Variants in SLCO1B1 observed in about 807,000 individuals in gnomAD.
SLCO1B1 encodes solute carrier organic anion transporter family member 1B1, also known as OATP-2.
In SLCO1B1, 81 loss-of-function variants were observed where a neutral mutation model predicts 70.1. That is an observed-to-expected ratio of 1.16 (90% confidence interval 0.97 to 1.39). The LOEUF (loss-of-function observed/expected upper bound fraction) is 1.39. Ranked by LOEUF, SLCO1B1 falls within the 40% of genes most tolerant of loss-of-function variation. The pLI, the probability that SLCO1B1 is intolerant of heterozygous loss-of-function variation, is 0.00. For missense variants in SLCO1B1, 895 were observed against 799.6 expected (o/e 1.12, Z -1.44); for synonymous variants, 283 against 271.5 (o/e 1.04, Z -0.42).
At chr12:21,166,002 C>T (rs1437799380) in intron 2 of SLCO1B1, among the ~76,000 whole-genome samples, 1 of 147,896 alleles carries the variant, frequency 6.8e-6, no homozygotes, top group African/African-American at 2.5e-5. Flanking sequence ...GTCTGAGAAG[C>T]AGAAAGAAAA....
At chr12:21,233,216 C>T (rs1190144083) in intron 14 of SLCO1B1, among the ~76,000 whole-genome samples, 5 of 132,716 alleles carry the variant, frequency 3.8e-5, no homozygotes, top group South Asian at 2.2e-4. Flanking sequence ...ACAGTCACCC[C>T]GACTCAGGCC....
In SLCO1B1 at chr12:21,224,733, G is replaced by C. The variant is rs1294041828; in HGVS notation, c.1759G>C (p.Ala587Pro). The C allele has an allele frequency of 8.7e-6, 14 of 1,604,560 alleles. No homozygotes were observed. Among genetic ancestry groups the C allele is most frequent in the Non-Finnish European group, 1.2e-5 (14 of 1,172,518 alleles). Residue 587 changes from alanine to proline, a missense_variant, in exon 14 of 15, where the codon GCT becomes CCT. Coordinates refer to ENST00000256958, the MANE Select transcript of SLCO1B1 (RefSeq NM_006446.5). ...TTCTCCTATTACAGGAGGAATTCTA[G>C]CTCCAATATATTTTGGGGCTCTGAT... ...MVIRALGGIL[A>P]PIYFGALIDT...
intron 8 of SLCO1B1, among the ~76,000 whole-genome samples, chr12:21,198,672 A>G (rs1328484812): frequency 6.6e-6 from 1 of 152,176 alleles, no homozygotes; most frequent in Non-Finnish European, 1.5e-5. Context: ...AATTTATTCC[A>G]TATGCTCTTG....
At chr12:21,167,242 A>T (rs1235713638) in intron 2 of SLCO1B1, among the ~76,000 whole-genome samples, 6 of 152,232 alleles carry the variant, frequency 3.9e-5, no homozygotes, top group Non-Finnish European at 5.9e-5. Flanking sequence ...ACATTCAAGG[A>T]TATGACATTT....
intron 2 of SLCO1B1, among the ~76,000 whole-genome samples, chr12:21,163,482 T>C (rs1940647082): frequency 6.6e-6 from 1 of 152,206 alleles, no homozygotes; most frequent in Non-Finnish European, 1.5e-5. Context: ...TAATTAACTT[T>C]GTTGGCTTGA....
At chr12:21,229,387 C>T (rs994384029) in intron 14 of SLCO1B1, among the ~76,000 whole-genome samples, 13 of 152,280 alleles carry the variant, frequency 8.5e-5, no homozygotes, top group Non-Finnish European at 2.9e-5. Flanking sequence ...CTCTGCTCTG[C>T]CTATTCATTC....
intron 4 of SLCO1B1, among the ~76,000 whole-genome samples, chr12:21,175,659 G>C (rs895106260): frequency 6.6e-6 from 1 of 152,022 alleles, no homozygotes; most frequent in Non-Finnish European, 1.5e-5. Context: ...TTTCTTCTTA[G>C]TGGTACTGCT....
At chr12:21,156,974 T>C (rs1200680925) in intron 2 of SLCO1B1, among the ~76,000 whole-genome samples, 1 of 152,168 alleles carries the variant, frequency 6.6e-6, no homozygotes, top group African/African-American at 2.4e-5. Context: ...CTTCCAAATA[T>C]GATACATGTA....
chr12:21,161,236 C>T (rs746264406), intron 2 of SLCO1B1, among the ~76,000 whole-genome samples: 2 of 152,028 alleles, frequency 1.3e-5, no homozygotes, highest in Non-Finnish European at 1.5e-5. Context: ...ACATTATTCA[C>T]AATAGCAAAG....
At position 21,140,031 on chromosome 12, in the gene SLCO1B1, A is replaced by C. The variant is rs1484262921; in HGVS notation, c.-61-1483A>C. Among the ~76,000 whole-genome samples, 4 of 152,262 alleles carry C rather than the reference A, an allele frequency of 2.6e-5. 1 individual carries two copies. Among genetic ancestry groups the C allele is most frequent in the African/African-American group, 2.4e-5 (1 of 41,568 alleles). ...TGTTAATGAATCAATAGTATGTATTAAATAAAGTGTCTTTAAACAAAACAT... is the reference window on the plus strand; with the variant it reads ...TGTTAATGAATCAATAGTATGTATTCAATAAAGTGTCTTTAAACAAAACAT... On this transcript the variant is annotated intron_variant, in intron 1 of 14. Transcript: ENST00000256958.
At chr12:21,229,567 TA>T (rs1270900722) in intron 14 of SLCO1B1, among the ~76,000 whole-genome samples, 1 of 152,236 alleles carries the variant, frequency 6.6e-6, no homozygotes, top group Non-Finnish European at 1.5e-5. Flanking sequence ...CATTTCTTTT[TA>T]TTGCTGAATA....
chr12:21,210,617 G>A (rs1209985086), intron 11 of SLCO1B1, among the ~76,000 whole-genome samples: 2 of 149,370 alleles, frequency 1.3e-5, no homozygotes, highest in African/African-American at 5.0e-5. Flanking sequence ...GTAGCTTGAT[G>A]GGGATGACAT....
At chr12:21,165,028 T>C (rs1036961048) in intron 2 of SLCO1B1, among the ~76,000 whole-genome samples, 6 of 152,158 alleles carry the variant, frequency 3.9e-5, no homozygotes, top group African/African-American at 7.2e-5. Flanking sequence ...CTAACTGCTA[T>C]ATTACAGTTG....
At chr12:21,140,651 C>A (rs1261209957) in intron 1 of SLCO1B1, among the ~76,000 whole-genome samples, 3 of 151,716 alleles carry the variant, frequency 2.0e-5, no homozygotes, top group Non-Finnish European at 2.9e-5. Flanking sequence ...CAACTTAATA[C>A]CCTGCTACCA....
At chr12:21,159,673 A>G (rs1029189984) in intron 2 of SLCO1B1, among the ~76,000 whole-genome samples, 2 of 152,290 alleles carry the variant, frequency 1.3e-5, no homozygotes, top group Admixed American at 6.5e-5. Context: ...ACAATGGTCT[A>G]TGGTCAAAAA....
intron 2 of SLCO1B1, among the ~76,000 whole-genome samples, chr12:21,169,220 G>A (rs938452334): frequency 2.0e-5 from 3 of 152,062 alleles, no homozygotes; most frequent in Admixed American, 6.5e-5. Context: ...TCTTGGTATA[G>A]AGTTTTTTAG....
intron 2 of SLCO1B1, among the ~76,000 whole-genome samples, chr12:21,165,436 A>G (rs1940672425): frequency 6.6e-6 from 1 of 152,168 alleles, no homozygotes; most frequent in Non-Finnish European, 1.5e-5. Flanking sequence ...ACATATGCTC[A>G]TAAAACGTCT....
intron 2 of SLCO1B1, among the ~76,000 whole-genome samples, chr12:21,155,014 A>G (rs1167973876): frequency 6.6e-6 from 1 of 151,938 alleles, no homozygotes; most frequent in Non-Finnish European, 1.5e-5. Flanking sequence ...TTTGATATTC[A>G]TAAATTTTAA....
chr12:21,178,671 C>G lies in SLCO1B1; in HGVS notation c.577C>G (p.Leu193Val), dbSNP rs376996580. The change falls in exon 6 of 15, where the codon CTT (leucine) becomes GTT (valine). Residue 193 changes from leucine to valine, a missense_variant. Leu to Val is a conservative substitution (Grantham distance 32, BLOSUM62 1). Coordinates refer to ENST00000256958, the MANE Select transcript of SLCO1B1 (RefSeq NM_006446.5). ...IGETPIVPLG[L>V]SYIDDFAKEG... ...GGAGACTCCCATAGTACCATTGGGG[C>G]TTTCTTACATTGATGATTTCGCTAA... 1 of 1,606,440 alleles carries G rather than the reference C, an allele frequency of 6.2e-7. No homozygotes were observed. The highest frequency in any genetic ancestry group is 1.3e-5 in the African/African-American group (1 of 74,716).
Sources: allele counts gnomAD v4.1 joint callset (sites outside exome capture counted in the v4.1 genomes callset), GRCh38; gene constraint gnomAD v4.1.1; transcripts MANE v1.5; gene names NCBI Gene and HGNC (gene_info 2026-07-23, HGNC 2026-07-21).